The following HMGB1 variants were observed in gnomAD, a reference collection of about 807,000 sequenced individuals.
The protein encoded by HMGB1 is high mobility group protein B1.
For missense variants in HMGB1, 79 were observed against 253.5 expected, an observed-to-expected ratio of 0.31 and a Z score of 4.67; for synonymous variants, 81 against 84.0, an observed-to-expected ratio of 0.96 and a Z score of 0.19.
At chr13:30,518,278 C>T (rs972090473) in intron 1 of HMGB1, among the ~76,000 whole-genome samples, 2 of 152,212 alleles carry the variant, frequency 1.3e-5, no homozygotes, top group Non-Finnish European at 2.9e-5. Flanking sequence ...TCAAGGCTGC[C>T]GTGAGCTGTG....
intron 1 of HMGB1, among the ~76,000 whole-genome samples, chr13:30,558,919 C>G (rs945912270): frequency 6.6e-5 from 10 of 152,096 alleles, no homozygotes; most frequent in African/African-American, 2.4e-4. Flanking sequence ...ATTTGAGGAC[C>G]ACCAATGCAG....
intron 1 of HMGB1, among the ~76,000 whole-genome samples, chr13:30,581,712 TAGA>T (rs1218680962): frequency 1.3e-5 from 2 of 152,170 alleles, no homozygotes; most frequent in Admixed American, 1.3e-4. Flanking sequence ...CTTGCTTTGA[TAGA>T]AGGCCATCTT....
At chr13:30,563,365 T>G (rs1870044762) in intron 1 of HMGB1, among the ~76,000 whole-genome samples, 1 of 152,182 alleles carries the variant, frequency 6.6e-6, no homozygotes, top group Non-Finnish European at 1.5e-5. Context: ...TCCTGGCACT[T>G]TGGGAGGCTG....
chr13:30,590,677 A>T (rs949195951), intron 1 of HMGB1, among the ~76,000 whole-genome samples: 1 of 152,204 alleles, frequency 6.6e-6, no homozygotes, highest in South Asian at 2.1e-4. Context: ...CGTATGTTGA[A>T]ATCTTAATCC....
At chr13:30,597,937 T>C (rs1038079357) in intron 1 of HMGB1, among the ~76,000 whole-genome samples, 1 of 152,174 alleles carries the variant, frequency 6.6e-6, no homozygotes, top group Non-Finnish European at 1.5e-5. Flanking sequence ...TTCAAATCAT[T>C]TTCTCTCCTA....
chr13:30,467,381 A>G (rs924986516), upstream of HMGB1, among the ~76,000 whole-genome samples: 2 of 152,346 alleles, frequency 1.3e-5, no homozygotes, highest in Non-Finnish European at 1.5e-5. Context: ...CCTCAAATGT[A>G]TTAAACTACT....
At chr13:30,561,576 G>T (rs1869954979) in intron 1 of HMGB1, among the ~76,000 whole-genome samples, 1 of 152,156 alleles carries the variant, frequency 6.6e-6, no homozygotes, top group Non-Finnish European at 1.5e-5. Flanking sequence ...AGTCAGTGAA[G>T]TAGTAGGAAC....
intron 1 of HMGB1, among the ~76,000 whole-genome samples, chr13:30,561,347 A>G (rs1443297194): frequency 6.6e-6 from 1 of 152,146 alleles, no homozygotes; most frequent in Non-Finnish European, 1.5e-5. Context: ...AAATGAGAAA[A>G]GAAGAAAGAA....
intron 1 of HMGB1, among the ~76,000 whole-genome samples, chr13:30,531,903 TAAATAAATAATAAATA>T (rs1431416902): frequency 8.0e-5 from 12 of 150,438 alleles, no homozygotes; most frequent in South Asian, 6.3e-4. Context: ...TCAAAATAAA[TAAATAAATAATAAATA>T]AAATAAATAA....
At chr13:30,493,201 C>A in intron 1 of HMGB1, among the ~76,000 whole-genome samples, 1 of 151,634 alleles carries the variant, frequency 6.6e-6, no homozygotes, top group African/African-American at 2.4e-5. Flanking sequence ...TTTGTTTATG[C>A]CATAAACAAA....
At chr13:30,541,407 G>T (rs1054951566) in intron 1 of HMGB1, among the ~76,000 whole-genome samples, 1 of 152,206 alleles carries the variant, frequency 6.6e-6, no homozygotes, top group African/African-American at 2.4e-5. Context: ...CTGGAAGTAA[G>T]TGGGAAGCCT....
At chr13:30,532,856 C>T (rs1020910827) in intron 1 of HMGB1, among the ~76,000 whole-genome samples, 3 of 152,142 alleles carry the variant, frequency 2.0e-5, no homozygotes, top group Non-Finnish European at 4.4e-5. Flanking sequence ...AATCAACCAT[C>T]CATGCATGTG....
At chr13:30,482,118 CAT>C (rs1887243977) in intron 1 of HMGB1, among the ~76,000 whole-genome samples, 1 of 152,164 alleles carries the variant, frequency 6.6e-6, no homozygotes, top group African/African-American at 2.4e-5. Context: ...ACTGTAGACA[CAT>C]ATTATTGTCA....
At chr13:30,540,988 GGT>G (rs141215455) in intron 1 of HMGB1, 5 of 150,766 alleles carry the variant, frequency 3.3e-5, no homozygotes, top group East Asian at 1.9e-4. Context: ...TTCTCTTTTG[GGT>G]GTGTGTGTGT....
At chr13:30,466,454 C>T (rs1886789455), upstream of HMGB1, among the ~76,000 whole-genome samples, 2 of 152,278 alleles carry the variant, frequency 1.3e-5, no homozygotes, top group African/African-American at 2.4e-5. Context: ...CGCCGAGCCT[C>T]GAGCCCCTCA....
At position 30,573,297 on chromosome 13, in the gene HMGB1, G is replaced by A. The variant is rs928533448; in HGVS notation, c.-15+43374C>T. On this transcript the variant is annotated intron_variant, in intron 1 of 4. Transcript: ENST00000405805. ...ACAAATTGACAGAAACACATTCTTA[G>A]AAGGACAGTATCATTTAAAATAAAA... is the stretch of plus-strand genomic sequence containing the variant. 2.6e-5 allele frequency among the ~76,000 whole-genome samples: 4 copies of A among 152,146 alleles called. No homozygotes were observed. In the South Asian group the frequency reaches 8.3e-4, roughly 32 times the overall value.
intron 1 of HMGB1, among the ~76,000 whole-genome samples, chr13:30,614,608 C>T (rs1950543125): frequency 6.6e-6 from 1 of 152,226 alleles, no homozygotes; most frequent in African/African-American, 2.4e-5. Context: ...ATTCCAGTAT[C>T]AACTTTAGAC....
At chr13:30,558,048 A>G (rs1163269736) in intron 1 of HMGB1, among the ~76,000 whole-genome samples, 2 of 152,156 alleles carry the variant, frequency 1.3e-5, no homozygotes, top group Non-Finnish European at 2.9e-5. Context: ...ATATACCTAA[A>G]TTAGCAGCAT....
chr13:30,565,810 AG>A (rs1196571211), intron 1 of HMGB1, among the ~76,000 whole-genome samples: 1 of 152,212 alleles, frequency 6.6e-6, no homozygotes, highest in Non-Finnish European at 1.5e-5. Context: ...TGAGCTGAAA[AG>A]CAGCAAATTA....
Sources: gnomAD v4.1 joint callset for allele counts (sites outside exome capture counted in the v4.1 genomes callset) on GRCh38, gnomAD v4.1.1 for gene constraint, MANE v1.5 for transcripts, NCBI Gene and HGNC (gene_info 2026-07-23, HGNC 2026-07-21) for gene names.